Variants in DCHS2 observed in about 807,000 individuals in gnomAD.
The protein encoded by DCHS2 is protocadherin-23.
A neutral mutation model predicts 182.4 loss-of-function variants in DCHS2; 142 were observed. That is an observed-to-expected ratio of 0.78 (90% confidence interval 0.68 to 0.89). The LOEUF (loss-of-function observed/expected upper bound fraction) is 0.89. Among genes scored for constraint, DCHS2 ranks in the 40% least tolerant of loss-of-function variants. DCHS2 has a pLI of 0.00. For synonymous variants in DCHS2, 1,740 were observed against 1,663.3 expected, an observed-to-expected ratio of 1.05 and a Z score of -1.12; for missense variants, 4,319 against 4,198.6, an observed-to-expected ratio of 1.03 and a Z score of -0.79.
chr4:154,449,664 C>T (rs909206594), intron 1 of DCHS2, among the ~76,000 whole-genome samples: 9 of 152,100 alleles, frequency 5.9e-5, no homozygotes, highest in South Asian at 2.1e-4. Flanking sequence ...TGAGCCACCA[C>T]GCCCAGCCAA....
chr4:154,361,733 C>A (rs1730131998), intron 3 of DCHS2, among the ~76,000 whole-genome samples: 2 of 151,994 alleles, frequency 1.3e-5, no homozygotes, highest in African/African-American at 4.8e-5. Context: ...AGAAAACAAC[C>A]ATGACATCGC....
At chr4:154,270,837 GA>G (rs1367037610) in intron 13 of DCHS2, among the ~76,000 whole-genome samples, 1 of 151,834 alleles carries the variant, frequency 6.6e-6, no homozygotes, top group Non-Finnish European at 1.5e-5. Flanking sequence ...AGAGCATAAA[GA>G]AAAGAAATAT....
chr4:154,341,180 A>T (rs1420469477), intron 3 of DCHS2, among the ~76,000 whole-genome samples: 1 of 152,056 alleles, frequency 6.6e-6, no homozygotes, highest in African/African-American at 2.4e-5. Flanking sequence ...CATCCTGGCT[A>T]ACACAGTGAA....
chr4:154,481,202 C>T (rs935036327), intron 1 of DCHS2, among the ~76,000 whole-genome samples: 1 of 152,082 alleles, frequency 6.6e-6, no homozygotes, highest in African/African-American at 2.4e-5. Context: ...ATATCTCTAG[C>T]CATTTAACAT....
At chr4:154,437,746 T>C (rs1733840351) in intron 1 of DCHS2, among the ~76,000 whole-genome samples, 1 of 152,240 alleles carries the variant, frequency 6.6e-6, no homozygotes, top group African/African-American at 2.4e-5. Flanking sequence ...AATAATATGT[T>C]TTTAAATCAT....
intron 3 of DCHS2, among the ~76,000 whole-genome samples, chr4:154,353,192 A>G (rs1368275464): frequency 1.3e-5 from 2 of 152,190 alleles, no homozygotes; most frequent in African/African-American, 2.4e-5. Flanking sequence ...TGTCTCTAGG[A>G]CACTCGGGCA....
rs1579029082 is a variant in DCHS2 at position 154,381,757 on chromosome 4, A to C, written c.2053-4313T>G. On this transcript the variant is annotated intron_variant, in intron 1 of 19. Transcript: ENST00000357232. ...GTAAAAGATCTCTACAAGGAGAACT[A>C]CAAAACACTGCTGAAAGAAATCACA... is the stretch of plus-strand genomic sequence containing the variant. Among the ~76,000 whole-genome samples, 6 of 152,326 alleles carry C rather than the reference A, an allele frequency of 3.9e-5. No individual in the cohort carries two copies. The South Asian group carries it at 1.2e-3, about 32-fold the overall frequency.
At chr4:154,247,043 T>C (rs1242853387) in intron 16 of DCHS2, among the ~76,000 whole-genome samples, 1 of 152,226 alleles carries the variant, frequency 6.6e-6, no homozygotes, top group East Asian at 1.9e-4. Context: ...GAAATATGTC[T>C]TTTTATTAAA....
chr4:154,310,530 C>T (rs976558487), intron 10 of DCHS2, among the ~76,000 whole-genome samples: 1 of 152,144 alleles, frequency 6.6e-6, no homozygotes, highest in Non-Finnish European at 1.5e-5. Flanking sequence ...CTCCCACTAC[C>T]TTTCCCAAGA....
intron 3 of DCHS2, among the ~76,000 whole-genome samples, chr4:154,350,495 G>A (rs1300415532): frequency 6.6e-6 from 1 of 152,042 alleles, no homozygotes; most frequent in Admixed American, 6.6e-5. Flanking sequence ...TGAGTCATGT[G>A]CACACACTGG....
rs1012020188 is a variant in DCHS2, at chr4:154,374,175, G to C, written c.2244+3078C>G. On this transcript the variant is annotated intron_variant, in intron 2 of 19. Transcript: ENST00000357232. The stretch of plus-strand genomic sequence containing the variant: ...ACAGGTTATGAGCATTTGCAGGGGA[G>C]CTTGCTTCTCCTGATGGACAGCAGT... The C allele has an allele frequency of 1.2e-5, 6 of 502,016 alleles. No homozygotes were observed. In the Admixed American group the frequency reaches 1.8e-4, roughly 15 times the overall value. 31.1% of individuals were successfully genotyped at this position (502,016 alleles called of 1,614,324 possible). A position where few individuals can be genotyped will look rare whatever the true frequency, so the allele number is the denominator to read the frequency against.
At position 154,239,305 on chromosome 4, in the gene DCHS2, G is replaced by A. The variant is rs768097961; in HGVS notation, c.7360-3C>T. Reference sequence around the variant, plus strand: ...GGTATTGATTCAGGAACTGTGACCTGAGGGAAAAAGAGAAAAATAGGGACA... The same window carrying A: ...GGTATTGATTCAGGAACTGTGACCTAAGGGAAAAAGAGAAAAATAGGGACA... On this transcript the variant is annotated splice_region_variant and splice_polypyrimidine_tract_variant and intron_variant, in intron 18 of 19. Transcript: ENST00000357232. 2 of 1,611,480 alleles carry A rather than the reference G, an allele frequency of 1.2e-6. No homozygotes were observed. Among genetic ancestry groups the A allele is most frequent in the South Asian group, 1.1e-5 (1 of 90,592 alleles).
intron 13 of DCHS2, among the ~76,000 whole-genome samples, chr4:154,283,389 G>A (rs1420268781): frequency 2.7e-5 from 4 of 150,740 alleles, no homozygotes; most frequent in Non-Finnish European, 5.9e-5. Flanking sequence ...AAACTTATTT[G>A]CTTTTGTGAA....
At chr4:154,273,545 A>T (rs1014251218) in intron 13 of DCHS2, among the ~76,000 whole-genome samples, 15 of 152,102 alleles carry the variant, frequency 9.9e-5, no homozygotes, top group Admixed American at 9.2e-4. Flanking sequence ...CTCAGAAATC[A>T]CCACTAAATA....
At chr4:154,327,936 T>C (rs1217183550) in intron 7 of DCHS2, among the ~76,000 whole-genome samples, 157 bp downstream of exon 7, 3 of 152,198 alleles carry the variant, frequency 2.0e-5, no homozygotes, top group Non-Finnish European at 4.4e-5. Flanking sequence ...TTCTTGACAA[T>C]AGCAAATGTA....
Position 154,254,010 on chromosome 4 carries a change from G to A in DCHS2, c.6941+1509C>T, listed in dbSNP as rs116763945. Among the ~76,000 whole-genome samples the A allele has an allele frequency of 7.2e-3, 1,095 of 152,314 alleles. 11 individuals carry two copies. The highest frequency in any genetic ancestry group is 0.012 in the Non-Finnish European group (840 of 68,024). On this transcript the variant is annotated intron_variant, in intron 16 of 19. Transcript: ENST00000357232. The stretch of plus-strand genomic sequence containing the variant: ...TGTGACTTAGAAGCAGAATACTTAA[G>A]TGCAAGTTCACTTTTGAACCTCAAA...
chr4:154,256,011 A>T (rs1732647267), intron 15 of DCHS2, among the ~76,000 whole-genome samples: 1 of 152,228 alleles, frequency 6.6e-6, no homozygotes, highest in Admixed American at 6.5e-5. Context: ...TCATGCTAGC[A>T]CAAGTAAAGG....
Position 154,422,957 on chromosome 4 carries a change from A to G in DCHS2, c.2053-45513T>C, listed in dbSNP as rs141673089. On this transcript the variant is annotated intron_variant, in intron 1 of 19. Coordinates refer to ENST00000357232, the MANE Select transcript of DCHS2 (RefSeq NM_001358235.2). ...ATTGTACACACTCAGAGCACCCAAG[A>G]CTCCTCCTCCATAGCTCTGTCCAAA... is the stretch of plus-strand genomic sequence containing the variant. Among the ~76,000 whole-genome samples the G allele has an allele frequency of 2.6e-3, 396 of 151,570 alleles. 1 individual carries two copies. Among genetic ancestry groups the G allele is most frequent in the African/African-American group, 9.2e-3 (378 of 41,250 alleles).
In DCHS2 at chr4:154,491,085, G is replaced by T. The variant is rs1728816344; in HGVS notation, c.271C>A (p.Pro91Thr). Residue 91 changes from proline (P) to threonine (T), a missense_variant, in exon 1 of 20, where the codon CCG becomes ACG. Transcript: ENST00000357232. ...TLVGDIRAGLPAAQQQEGSGF... is the reference protein window; with the variant it reads ...TLVGDIRAGLTAAQQQEGSGF... Reference sequence around the variant, plus strand: ...CTCCCCTCCTGCTGCTGCGCGGCCGGCAGCCCGGCGCGGATGTCACCTACC... The same window carrying T: ...CTCCCCTCCTGCTGCTGCGCGGCCGTCAGCCCGGCGCGGATGTCACCTACC... 6.4e-6 allele frequency: 10 copies of T among 1,551,294 alleles called. No individual in the cohort carries two copies. The highest frequency in any genetic ancestry group is 1.7e-6 in the Non-Finnish European group (2 of 1,146,932).
Sources: gnomAD v4.1 joint callset for allele counts (sites outside exome capture counted in the v4.1 genomes callset) on GRCh38, gnomAD v4.1.1 for gene constraint, MANE v1.5 for transcripts, NCBI Gene and HGNC (gene_info 2026-07-23, HGNC 2026-07-21) for gene names.